CCDC30: variants seen among roughly 807,000 people sequenced by gnomAD.
CCDC30 encodes coiled-coil domain containing 30.
Under a neutral mutation model 100.2 loss-of-function variants are expected in CCDC30, and 70 were observed. The observed-to-expected ratio is 0.70, with a 90% CI of 0.58 to 0.85. CCDC30 has a LOEUF of 0.85. CCDC30 is among the 40% of genes least tolerant of loss of function. The probability of loss-of-function intolerance (pLI) is 0.00; values close to 1 mark genes in which losing one functional copy is unlikely to be tolerated. For missense variants in CCDC30, 652 were observed against 771.2 expected (o/e 0.85, Z 1.83); for synonymous variants, 233 against 269.5 (o/e 0.86, Z 1.33).
intron 6 of CCDC30, among the ~76,000 whole-genome samples, chr1:42,551,812 T>C (rs1645258458): frequency 6.6e-6 from 1 of 150,948 alleles, no homozygotes. Context: ...TGGAGTGCAG[T>C]GGTGCCATCA....
Position 42,556,146 on chromosome 1 carries a change from T to G in CCDC30, c.457-10150T>G. The G allele has an allele frequency of 1.2e-6, 2 of 1,602,912 alleles. No homozygotes were observed. The highest frequency in any genetic ancestry group is 1.7e-6 in the Non-Finnish European group (2 of 1,176,898). On this transcript the variant is annotated intron_variant, in intron 6 of 16. Coordinates refer to ENST00000668663, the Ensembl canonical transcript of CCDC30. ...ATTTTGATAGATTTTATTCTTATAT[T>G]TGCACCAAGTCCCAAATTAGGAGAA...
At chr1:42,545,539 A>G (rs779592712) in intron 6 of CCDC30, 4 of 1,606,998 alleles carry the variant, frequency 2.5e-6, no homozygotes, top group Admixed American at 1.7e-5. Context: ...AATTTTGGAA[A>G]CAGAAATTCA....
rs16829795 is a variant in CCDC30 at position 42,610,983 on chromosome 1, C to T, written c.1170C>T (p.Val390=). Residue 390 remains valine (V), a synonymous_variant, in exon 11 of 17, where the codon GTC becomes GTT. Coordinates refer to ENST00000668663, the Ensembl canonical transcript of CCDC30. ...TATTTTTCAATGTTTTTCAGCATGT[C>T]AAAAGCAACCAGGAATTGTCAGAGA... The T allele has an allele frequency of 8.0e-3, 12,719 of 1,589,668 alleles. 582 individuals are homozygous for T. In the African/African-American group the frequency reaches 0.11, roughly 14 times the overall value.
At chr1:42,499,646 T>G (rs1049795761) in intron 6 of CCDC30, among the ~76,000 whole-genome samples, 2 of 152,022 alleles carry the variant, frequency 1.3e-5, no homozygotes, top group Non-Finnish European at 2.9e-5. Flanking sequence ...CAACTAATTT[T>G]AAAAAATCTT....
intron 9 of CCDC30, among the ~76,000 whole-genome samples, chr1:42,586,481 A>T (rs995094770): frequency 2.0e-5 from 3 of 152,012 alleles, no homozygotes; most frequent in Non-Finnish European, 4.4e-5. Flanking sequence ...AATTAAAAAA[A>T]AAATTTAGAG....
chr1:42,628,130 G>A (rs1171006740), intron 11 of CCDC30, among the ~76,000 whole-genome samples: 4 of 152,186 alleles, frequency 2.6e-5, no homozygotes, highest in African/African-American at 9.6e-5. Flanking sequence ...TTGCATCAGT[G>A]TGACCTGGAT....
chr1:42,531,132 A>T (rs996326479), intron 6 of CCDC30, among the ~76,000 whole-genome samples: 3 of 92,474 alleles, frequency 3.2e-5, no homozygotes, highest in Non-Finnish European at 8.1e-5. Context: ...TGTTTTAGTA[A>T]TAGTGAGTGA....
chr1:42,637,880 T>C (rs930002250), intron 12 of CCDC30, among the ~76,000 whole-genome samples: 1 of 152,192 alleles, frequency 6.6e-6, no homozygotes, highest in African/African-American at 2.4e-5. Flanking sequence ...TAGAATCAAA[T>C]GCAGAATGGT....
At chr1:42,484,084 TG>T (rs766993074) in intron 3 of CCDC30, among the ~76,000 whole-genome samples, 19,503 of 151,768 alleles carry the variant, frequency 0.13, 1,427 homozygotes, top group East Asian at 0.18. Context: ...AAATGTTAAA[TG>T]TATAAAACAA....
intron 6 of CCDC30, among the ~76,000 whole-genome samples, chr1:42,562,499 A>C (rs1306026671): frequency 6.6e-6 from 1 of 152,216 alleles, no homozygotes; most frequent in African/African-American, 2.4e-5. Context: ...AAACCACAAT[A>C]ACCCTAGAAG....
intron 7 of CCDC30, among the ~76,000 whole-genome samples, chr1:42,576,767 T>G (rs1372285737): frequency 6.6e-6 from 1 of 152,162 alleles, no homozygotes; most frequent in Non-Finnish European, 1.5e-5. Flanking sequence ...GAAAGCCAGT[T>G]TGGACTAGAT....
At chr1:42,529,245 G>A (rs1450856822) in intron 6 of CCDC30, among the ~76,000 whole-genome samples, 1 of 152,154 alleles carries the variant, frequency 6.6e-6, no homozygotes, top group East Asian at 1.9e-4. Flanking sequence ...AAGCCAAGGT[G>A]GGCGGATCAT....
intron 4 of CCDC30, among the ~76,000 whole-genome samples, 155 bp downstream of exon 4, chr1:42,490,384 C>T (rs988252392): frequency 6.6e-6 from 1 of 151,480 alleles, no homozygotes; most frequent in African/African-American, 2.4e-5. Flanking sequence ...GGTGATAATG[C>T]AAGACCGCAT....
intron 5 of CCDC30, among the ~76,000 whole-genome samples, chr1:42,497,856 C>T (rs1370685441): frequency 6.6e-6 from 1 of 152,066 alleles, no homozygotes; most frequent in Non-Finnish European, 1.5e-5. Context: ...GTGCAGCCAC[C>T]ATGGAAAACA....
chr1:42,618,515 C>T (rs1381124639), intron 11 of CCDC30, among the ~76,000 whole-genome samples: 2 of 152,088 alleles, frequency 1.3e-5, no homozygotes, highest in African/African-American at 2.4e-5. Context: ...GGATTACAAG[C>T]GTGAGCCATC....
Position 42,516,599 on chromosome 1 carries a change from C to A in CCDC30, c.456+17683C>A, listed in dbSNP as rs1438852803. On this transcript the variant is annotated intron_variant, in intron 6 of 16. Coordinates refer to ENST00000668663, the Ensembl canonical transcript of CCDC30. ...AAAAAAAAAAAAAAAAAGAATCTGA[C>A]TTCCTTGGTTTCTCTCTTGCCTTCT... Among the ~76,000 whole-genome samples, 3 of 147,440 alleles carry A rather than the reference C, an allele frequency of 2.0e-5. No homozygotes were observed. The East Asian group carries it at 6.0e-4, about 30-fold the overall frequency.
intron 12 of CCDC30, among the ~76,000 whole-genome samples, 182 bp downstream of exon 16, chr1:42,637,560 C>A (rs1050647867): frequency 3.3e-5 from 5 of 152,188 alleles, no homozygotes; most frequent in Non-Finnish European, 7.3e-5. Context: ...CATAAGACTC[C>A]TAGTGCTGCT....
chr1:42,473,969 A>G (rs990936902), intron 1 of CCDC30, among the ~76,000 whole-genome samples: 42 of 149,896 alleles, frequency 2.8e-4, no homozygotes, highest in African/African-American at 8.8e-4. Context: ...AGATAAAGCT[A>G]TTTTTTTTTT....
At chr1:42,478,276 A>AATTG (rs1365428366) in intron 1 of CCDC30, among the ~76,000 whole-genome samples, 1 of 152,206 alleles carries the variant, frequency 6.6e-6, no homozygotes, top group Non-Finnish European at 1.5e-5. Flanking sequence ...GTTTTGCAGT[A>AATTG]ATAATCAAAG....
Sources: gnomAD v4.1 joint callset for allele counts (sites outside exome capture counted in the v4.1 genomes callset) on GRCh38, gnomAD v4.1.1 for gene constraint, MANE v1.5 for transcripts, NCBI Gene and HGNC (gene_info 2026-07-23, HGNC 2026-07-21) for gene names.